Variants in APLF observed in about 807,000 individuals in gnomAD.
APLF encodes aprataxin and PNK-like factor.
A neutral mutation model predicts 55.6 loss-of-function variants in APLF; 61 were observed. The observed-to-expected ratio is 1.10, with a 90% CI of 0.89 to 1.36. The LOEUF is 1.36. Among genes scored for constraint, APLF ranks in the 40% most tolerant of loss-of-function variants. The probability of loss-of-function intolerance (pLI) is 0.00; values close to 1 mark genes in which losing one functional copy is unlikely to be tolerated. For missense variants in APLF, 611 were observed against 602.5 expected (o/e 1.01, Z -0.15); for synonymous variants, 207 against 214.8 (o/e 0.96, Z 0.32).
At chr2:68,566,725 TAACTAACAAAATA>T (rs1360576333) in intron 8 of APLF, among the ~76,000 whole-genome samples, 3 of 152,094 alleles carry the variant, frequency 2.0e-5, no homozygotes, top group African/African-American at 7.2e-5. Context: ...AACATTTGTT[TAACTAACAAAATA>T]ATAGAAGGGA....
intron 1 of APLF, among the ~76,000 whole-genome samples, chr2:68,486,180 A>G (rs1676168269): frequency 6.6e-6 from 1 of 152,044 alleles, no homozygotes; most frequent in East Asian, 1.9e-4. Context: ...GCACAAGAAG[A>G]TATCCTAGGT....
At chr2:68,482,345 C>T (rs1196885860) in intron 1 of APLF, among the ~76,000 whole-genome samples, 1 of 152,072 alleles carries the variant, frequency 6.6e-6, no homozygotes, top group Non-Finnish European at 1.5e-5. Flanking sequence ...TGTGCAGTTT[C>T]CTCAGCTGTA....
intron 8 of APLF, among the ~76,000 whole-genome samples, chr2:68,554,535 G>A (rs1341404616): frequency 6.6e-6 from 1 of 151,960 alleles, no homozygotes; most frequent in Non-Finnish European, 1.5e-5. Flanking sequence ...CCATGAACGT[G>A]GGATGTGTTT....
At chr2:68,528,981 C>T in intron 6 of APLF, 4 of 1,523,614 alleles carry the variant, frequency 2.6e-6, no homozygotes, top group Non-Finnish European at 1.8e-6. Flanking sequence ...TGGTCTTTCA[C>T]CTCCGTTGCT....
In APLF at chr2:68,513,445, G is replaced by C; in HGVS notation, c.490-103G>C. The stretch of plus-strand genomic sequence containing the variant: ...AGAAATTTTATGAACTCAGTCTACA[G>C]TTGCATATGGGTATTTTAATGGTAG... On this transcript the variant is annotated intron_variant, in intron 4 of 9. Coordinates refer to ENST00000303795, the MANE Select transcript of APLF (RefSeq NM_173545.3). 5.9e-6 allele frequency: 8 copies of C among 1,351,946 alleles called. No homozygotes were observed. The South Asian group carries it at 8.2e-5, about 14-fold the overall frequency. 83.7% of individuals were successfully genotyped at this position (1,351,946 alleles called of 1,614,324 possible). A position where few individuals can be genotyped will look rare whatever the true frequency, so the allele number is the denominator to read the frequency against.
intron 9 of APLF, among the ~76,000 whole-genome samples, chr2:68,575,602 T>C (rs1395595628): frequency 6.6e-6 from 1 of 151,638 alleles, no homozygotes; most frequent in Admixed American, 6.6e-5. Flanking sequence ...TCAGAAGTGG[T>C]GGATTTACTT....
At chr2:68,563,398 T>G in intron 8 of APLF, 2 of 972,002 alleles carry the variant, frequency 2.1e-6, no homozygotes, top group Non-Finnish European at 2.4e-6. Context: ...TGCCTTTTCC[T>G]AAGTAGGATG....
At chr2:68,565,508 C>CAGATAGATAGATAGAT (rs71395978) in intron 8 of APLF, among the ~76,000 whole-genome samples, 69 of 146,480 alleles carry the variant, frequency 4.7e-4, no homozygotes, top group African/African-American at 1.7e-3. Flanking sequence ...GACAGATAGA[C>CAGATAGATAGATAGAT]AGATAGATAC....
intron 7 of APLF, among the ~76,000 whole-genome samples, chr2:68,543,595 C>T (rs1330208334): frequency 6.6e-6 from 1 of 152,004 alleles, no homozygotes. Context: ...TAACTATATC[C>T]CCAGGAAAAT....
At chr2:68,512,442 G>A (rs1041292951) in intron 3 of APLF, among the ~76,000 whole-genome samples, 10 of 151,726 alleles carry the variant, frequency 6.6e-5, no homozygotes, top group African/African-American at 2.2e-4. Context: ...AGACAAATTC[G>A]TTGGATCATG....
intron 1 of APLF, among the ~76,000 whole-genome samples, chr2:68,473,652 T>C (rs1558524795): frequency 6.6e-6 from 1 of 152,236 alleles, no homozygotes. Context: ...ACAGTTCTTG[T>C]CACTGGACAT....
intron 7 of APLF, among the ~76,000 whole-genome samples, chr2:68,540,491 G>A (rs1670517104): frequency 6.6e-6 from 1 of 152,016 alleles, no homozygotes; most frequent in Non-Finnish European, 1.5e-5. Context: ...GTATCTTTAT[G>A]GTAGAATGAT....
intron 1 of APLF, among the ~76,000 whole-genome samples, chr2:68,479,427 G>A (rs192755211): frequency 3.3e-5 from 5 of 152,322 alleles, no homozygotes; most frequent in Non-Finnish European, 7.3e-5. Flanking sequence ...CAAAAAGTCA[G>A]GGGTGAAGGA....
chr2:68,528,394 A>T, intron 6 of APLF: 2 of 1,534,388 alleles, frequency 1.3e-6, no homozygotes, highest in African/African-American at 2.7e-5. Context: ...CAGGAGATAG[A>T]CATGGAAGCT....
At chr2:68,519,880 A>G (rs1413954730) in intron 5 of APLF, among the ~76,000 whole-genome samples, 1 of 151,754 alleles carries the variant, frequency 6.6e-6, no homozygotes, top group African/African-American at 2.4e-5. Flanking sequence ...TAGTTGTTTA[A>G]GGAATCTCCA....
intron 5 of APLF, among the ~76,000 whole-genome samples, chr2:68,521,868 C>G (rs1011155927): frequency 6.6e-6 from 1 of 151,896 alleles, no homozygotes; most frequent in Admixed American, 6.6e-5. Context: ...AAATATTGAG[C>G]ATTTATACAT....
intron 9 of APLF, among the ~76,000 whole-genome samples, chr2:68,569,217 T>C (rs1016833080): frequency 1.3e-5 from 2 of 152,098 alleles, no homozygotes; most frequent in African/African-American, 4.8e-5. Context: ...TAATTGTGGT[T>C]ATGGGAACCA....
At chr2:68,509,631 TA>T (rs1252223535) in intron 3 of APLF, among the ~76,000 whole-genome samples, 1 of 152,098 alleles carries the variant, frequency 6.6e-6, no homozygotes, top group Non-Finnish European at 1.5e-5. Context: ...GACTGTAAAC[TA>T]GTTCAACCAC....
intron 1 of APLF, among the ~76,000 whole-genome samples, chr2:68,475,328 A>G (rs1470372806): frequency 6.6e-6 from 1 of 152,234 alleles, no homozygotes; most frequent in East Asian, 1.9e-4. Context: ...ACATCATGAT[A>G]GTCAGCACAA....
Sources: gnomAD v4.1 joint callset for allele counts (sites outside exome capture counted in the v4.1 genomes callset) on GRCh38, gnomAD v4.1.1 for gene constraint, MANE v1.5 for transcripts, NCBI Gene and HGNC (gene_info 2026-07-23, HGNC 2026-07-21) for gene names.